The following RGS7 variants were observed in gnomAD, a reference collection of about 807,000 sequenced individuals.
RGS7 encodes the protein regulator of G protein signaling 7.
RGS7 carries 27 observed loss-of-function variants against 81.1 expected under a neutral mutation model. The observed-to-expected ratio is 0.33, with a 90% CI of 0.25 to 0.46. The LOEUF is 0.46. RGS7 is among the 20% of genes least tolerant of loss of function. The probability of loss-of-function intolerance (pLI) is 1.00; values close to 1 mark genes in which losing one functional copy is unlikely to be tolerated. For missense variants in RGS7, 396 were observed against 607.4 expected (o/e 0.65, Z 3.66); for synonymous variants, 208 against 207.7 (o/e 1.00, Z -0.01).
chr1:241,256,419 T>C (rs1269997935), intron 2 of RGS7, among the ~76,000 whole-genome samples: 2 of 152,164 alleles, frequency 1.3e-5, no homozygotes, highest in Admixed American at 6.5e-5. Flanking sequence ...CAGAAACACT[T>C]CACTGTCAAT....
chr1:241,171,838 G>T (rs1354364833), intron 2 of RGS7, among the ~76,000 whole-genome samples: 1 of 152,002 alleles, frequency 6.6e-6, no homozygotes, highest in Non-Finnish European at 1.5e-5. Context: ...AGTTCAGCAG[G>T]TGAAAAAACA....
chr1:241,161,875 G>A (rs1171774057), intron 2 of RGS7, among the ~76,000 whole-genome samples: 2 of 151,828 alleles, frequency 1.3e-5, no homozygotes, highest in African/African-American at 2.4e-5. Flanking sequence ...CTGCTACCAC[G>A]CCTGGCTAAT....
At chr1:240,809,761 T>C (rs1689521360) in intron 14 of RGS7, among the ~76,000 whole-genome samples, 1 of 152,210 alleles carries the variant, frequency 6.6e-6, no homozygotes, top group South Asian at 2.1e-4. Flanking sequence ...CTTGTAGGTA[T>C]TCAAGAATTA....
At chr1:240,998,689 CG>C in intron 3 of RGS7, 1 of 1,153,414 alleles carries the variant, frequency 8.7e-7, no homozygotes, top group Non-Finnish European at 1.3e-6. Flanking sequence ...ACATTTACAC[CG>C]GCTGCTTTAA....
At position 240,907,654 on chromosome 1, in the gene RGS7, G is replaced by A. The variant is rs1671041496; in HGVS notation, c.385+23063C>T. The stretch of plus-strand genomic sequence containing the variant: ...AGGCAGAATGTTTACCACCTAGGGT[G>A]TTAGTGAAAGGCCCTGTCTCTAAAC... On this transcript the variant is annotated intron_variant, in intron 6 of 18. Transcript: ENST00000440928. 2.0e-5 allele frequency among the ~76,000 whole-genome samples: 3 copies of A among 152,172 alleles called. No individual in the cohort carries two copies. The South Asian group carries it at 6.2e-4, about 31-fold the overall frequency.
intron 9 of RGS7, among the ~76,000 whole-genome samples, chr1:240,827,878 A>AC (rs1430738566): frequency 4.0e-5 from 6 of 151,246 alleles, no homozygotes; most frequent in South Asian, 2.1e-4. Flanking sequence ...AAAAAAAAAA[A>AC]AAAAAAAAAA....
intron 2 of RGS7, among the ~76,000 whole-genome samples, chr1:241,155,542 C>G (rs1407024376): frequency 7.2e-6 from 1 of 139,022 alleles, no homozygotes; most frequent in African/African-American, 2.7e-5. Flanking sequence ...CCCTGAGAAG[C>G]ACATTGTTCA....
At chr1:241,023,526 T>C (rs1441571051) in intron 3 of RGS7, among the ~76,000 whole-genome samples, 1 of 152,216 alleles carries the variant, frequency 6.6e-6, no homozygotes. Context: ...GAAAATTAAC[T>C]TTGTTTTGGG....
intron 2 of RGS7, among the ~76,000 whole-genome samples, chr1:241,143,585 T>A (rs2068085335): frequency 1.3e-5 from 2 of 152,128 alleles, no homozygotes; most frequent in African/African-American, 4.8e-5. Context: ...CATGATTCAA[T>A]CACTTCCCAC....
At chr1:241,031,347 T>C (rs1422925480) in intron 3 of RGS7, among the ~76,000 whole-genome samples, 1 of 152,230 alleles carries the variant, frequency 6.6e-6, no homozygotes, top group Non-Finnish European at 1.5e-5. Flanking sequence ...TATATTATAG[T>C]ATACCATATT....
intron 4 of RGS7, among the ~76,000 whole-genome samples, chr1:240,977,704 A>C (rs1272403894): frequency 2.6e-5 from 4 of 152,164 alleles, no homozygotes. Context: ...TACTCATAAA[A>C]CCCTCAATGC....
intron 2 of RGS7, among the ~76,000 whole-genome samples, chr1:241,168,720 GTCTCTC>G (rs72385432): frequency 2.0e-5 from 3 of 150,308 alleles, no homozygotes; most frequent in South Asian, 2.1e-4. Context: ...CTCTCTCTCT[GTCTCTC>G]TCTCTCTCTC....
chr1:241,237,215 A>G (rs1192363123), intron 2 of RGS7, among the ~76,000 whole-genome samples: 3 of 152,246 alleles, frequency 2.0e-5, no homozygotes, highest in Admixed American at 1.3e-4. Context: ...GACTTCTGGA[A>G]CACAAAATTC....
chr1:241,221,072 AAAGGAAGGAAGG>A (rs1330807084), intron 2 of RGS7, among the ~76,000 whole-genome samples: 1 of 137,508 alleles, frequency 7.3e-6, no homozygotes, highest in Non-Finnish European at 1.6e-5. Context: ...AGAGAGAGAG[AAAGGAAGGAAGG>A]AAGGAAGAAA....
chr1:241,179,637 G>A (rs1227497435), intron 2 of RGS7, among the ~76,000 whole-genome samples: 1 of 152,094 alleles, frequency 6.6e-6, no homozygotes, highest in Non-Finnish European at 1.5e-5. Context: ...GACAACATGT[G>A]ACCTACAGTT....
chr1:241,030,214 G>C (rs1355382360), intron 3 of RGS7, among the ~76,000 whole-genome samples: 1 of 151,946 alleles, frequency 6.6e-6, no homozygotes, highest in Non-Finnish European at 1.5e-5. Context: ...GTAAGGCTTA[G>C]ACGTGGTTTC....
intron 9 of RGS7, among the ~76,000 whole-genome samples, chr1:240,863,828 C>T (rs1242959933): frequency 6.6e-6 from 1 of 152,122 alleles, no homozygotes; most frequent in South Asian, 2.1e-4. Context: ...AGCAAAAGGA[C>T]ATATGAAAAC....
At chr1:240,983,757 G>T (rs912566538) in intron 3 of RGS7, among the ~76,000 whole-genome samples, 1 of 152,096 alleles carries the variant, frequency 6.6e-6, no homozygotes, top group East Asian at 1.9e-4. Context: ...TTTTATTGTC[G>T]TGTTGATCAC....
rs190573847 is a variant in RGS7 at position 240,825,357 on chromosome 1, G to A, written c.684+1741C>T. Reference sequence around the variant, plus strand: ...AAATATTAGTATGTGGCTTGGAGTCGGATAACCTTCCATGTAAAATAACAT... The same window carrying A: ...AAATATTAGTATGTGGCTTGGAGTCAGATAACCTTCCATGTAAAATAACAT... On this transcript the variant is annotated intron_variant, in intron 10 of 18. Transcript: ENST00000440928. Among the ~76,000 whole-genome samples the A allele has an allele frequency of 2.3e-3, 346 of 152,222 alleles. 3 individuals are homozygous for A. Among genetic ancestry groups the A allele is most frequent in the Non-Finnish European group, 9.3e-4 (63 of 68,022 alleles).
Sources: gnomAD v4.1 joint callset for allele counts (sites outside exome capture counted in the v4.1 genomes callset) on GRCh38, gnomAD v4.1.1 for gene constraint, MANE v1.5 for transcripts, NCBI Gene and HGNC (gene_info 2026-07-23, HGNC 2026-07-21) for gene names.